GLRA3: variants seen among roughly 807,000 people sequenced by gnomAD.
The protein encoded by GLRA3 is glycine receptor subunit alpha-3.
A neutral mutation model predicts 60.4 loss-of-function variants in GLRA3; 44 were observed. The ratio of observed to expected loss-of-function variants is 0.73; its 90% CI spans 0.57 to 0.94. GLRA3 has a LOEUF of 0.94. Among genes scored for constraint, GLRA3 ranks in the 40% least tolerant of loss-of-function variants. GLRA3 has a pLI of 0.00. For synonymous variants in GLRA3, 223 were observed against 192.9 expected (o/e 1.16, Z -1.29); for missense variants, 508 against 564.6 (o/e 0.90, Z 1.02).
At chr4:174,725,087 T>A (rs1736270744) in intron 4 of GLRA3, among the ~76,000 whole-genome samples, 1 of 152,220 alleles carries the variant, frequency 6.6e-6, no homozygotes, top group Non-Finnish European at 1.5e-5. Context: ...TTTCTCTAGT[T>A]TTTTTTAGCT....
intron 3 of GLRA3, among the ~76,000 whole-genome samples, chr4:174,745,335 C>A (rs1458377995): frequency 6.6e-6 from 1 of 152,134 alleles, no homozygotes; most frequent in Non-Finnish European, 1.5e-5. Context: ...GTCTCCGTGA[C>A]ACTTTATAGG....
intron 5 of GLRA3, among the ~76,000 whole-genome samples, chr4:174,691,177 T>C (rs1432339837): frequency 6.6e-6 from 1 of 152,222 alleles, no homozygotes; most frequent in Non-Finnish European, 1.5e-5. Flanking sequence ...CTCAGCAGCA[T>C]CTGTCATTTT....
In GLRA3 at chr4:174,790,841, A is replaced by G. The variant is rs908378827; in HGVS notation, c.72-1898T>C. 6.1e-5 allele frequency among the ~76,000 whole-genome samples: 9 copies of G among 148,450 alleles called. No homozygotes were observed. The South Asian group carries it at 6.4e-4, about 11-fold the overall frequency. On this transcript the variant is annotated intron_variant, in intron 1 of 9. Transcript: ENST00000274093. ...TAAAAAATACAAAAAAAAAAAAAAA[A>G]AAAAAGAAAGAAATTAGCCGGGCGT...
At chr4:174,815,440 G>A (rs1346462954) in intron 1 of GLRA3, among the ~76,000 whole-genome samples, 1 of 152,170 alleles carries the variant, frequency 6.6e-6, no homozygotes, top group Non-Finnish European at 1.5e-5. Context: ...CTCTGCGTGG[G>A]GGCTCCCACT....
intron 3 of GLRA3, among the ~76,000 whole-genome samples, chr4:174,731,229 G>GT (rs908242379): frequency 6.6e-6 from 1 of 152,058 alleles, no homozygotes; most frequent in Admixed American, 6.5e-5. Context: ...TTTCAAAAAT[G>GT]TTTTTTTAAG....
intron 3 of GLRA3, among the ~76,000 whole-genome samples, chr4:174,762,194 A>G (rs573597450): frequency 6.6e-6 from 1 of 152,258 alleles, no homozygotes; most frequent in South Asian, 2.1e-4. Context: ...CAAATTTTAA[A>G]ATAAATAATG....
intron 1 of GLRA3, among the ~76,000 whole-genome samples, chr4:174,805,397 G>T (rs186312541): frequency 3.3e-5 from 5 of 151,992 alleles, no homozygotes; most frequent in Non-Finnish European, 7.4e-5. Flanking sequence ...CACTCTTTTG[G>T]ATCACTGACT....
chr4:174,811,277 C>T (rs556489602), intron 1 of GLRA3, among the ~76,000 whole-genome samples: 7 of 149,664 alleles, frequency 4.7e-5, no homozygotes, highest in African/African-American at 9.9e-5. Context: ...TTAATAAAAA[C>T]GTTCAGCTAC....
intron 5 of GLRA3, among the ~76,000 whole-genome samples, chr4:174,691,525 G>C (rs891110388): frequency 2.6e-5 from 4 of 152,244 alleles, no homozygotes; most frequent in African/African-American, 7.2e-5. Flanking sequence ...GAGTGCCTGC[G>C]ATTGCAGGCG....
At chr4:174,771,535 T>C (rs1738386136) in intron 2 of GLRA3, among the ~76,000 whole-genome samples, 1 of 151,998 alleles carries the variant, frequency 6.6e-6, no homozygotes, top group Non-Finnish European at 1.5e-5. Context: ...TTGACTCATA[T>C]CCTCTGGAAA....
At position 174,828,863 on chromosome 4, in the gene GLRA3, G is replaced by A; in HGVS notation, c.-52C>T. 1 of 1,154,866 alleles carries A rather than the reference G, an allele frequency of 8.7e-7. No individual in the cohort carries two copies. Among genetic ancestry groups the A allele is most frequent in the Non-Finnish European group, 1.3e-6 (1 of 760,730 alleles). The allele number at this position is 1,154,866 out of a possible 1,614,324, so 71.5% of individuals were successfully genotyped here. On this transcript the variant is annotated 5_prime_UTR_variant, in exon 1 of 10. Coordinates refer to ENST00000274093, the MANE Select transcript of GLRA3 (RefSeq NM_006529.4). ...AAAATAGTCTTATCCAAGGCATGGGGAACCAGAAAGACAGAATGAAAATGT... is the reference window on the plus strand; with the variant it reads ...AAAATAGTCTTATCCAAGGCATGGGAAACCAGAAAGACAGAATGAAAATGT...
intron 9 of GLRA3, among the ~76,000 whole-genome samples, chr4:174,655,079 TGA>T (rs1299245632): frequency 4.6e-5 from 7 of 152,156 alleles, no homozygotes; most frequent in Non-Finnish European, 8.8e-5. Flanking sequence ...CTTTCTACAG[TGA>T]GACTATTTTA....
At chr4:174,681,088 A>G (rs546719308) in intron 6 of GLRA3, among the ~76,000 whole-genome samples, 360 of 152,348 alleles carry the variant, frequency 2.4e-3, no homozygotes, top group Non-Finnish European at 2.9e-3. Context: ...TGGACAGTAC[A>G]GTGCTTCTAG....
chr4:174,654,234 C>T (rs528995388), intron 9 of GLRA3, among the ~76,000 whole-genome samples: 5 of 152,064 alleles, frequency 3.3e-5, no homozygotes, highest in Non-Finnish European at 7.4e-5. Flanking sequence ...ATAGTATATA[C>T]GTACGTTTGT....
intron 2 of GLRA3, among the ~76,000 whole-genome samples, chr4:174,768,730 G>A (rs1377985110): frequency 6.6e-6 from 1 of 152,066 alleles, no homozygotes; most frequent in Non-Finnish European, 1.5e-5. Context: ...GTGACCCTAC[G>A]TAAGATGCCA....
chr4:174,732,895 T>C (rs1736610839), intron 3 of GLRA3, among the ~76,000 whole-genome samples: 1 of 152,080 alleles, frequency 6.6e-6, no homozygotes, highest in Non-Finnish European at 1.5e-5. Context: ...TTTATGATAG[T>C]GATTAGCTAG....
At chr4:174,820,569 C>T (rs1442912477) in intron 1 of GLRA3, among the ~76,000 whole-genome samples, 1 of 152,132 alleles carries the variant, frequency 6.6e-6, no homozygotes, top group Non-Finnish European at 1.5e-5. Context: ...GAAGCATCCT[C>T]ACCTAGACTT....
intron 2 of GLRA3, among the ~76,000 whole-genome samples, chr4:174,775,242 G>T (rs111809627): frequency 0.012 from 1,869 of 152,152 alleles, 14 homozygotes; most frequent in Non-Finnish European, 0.018. Flanking sequence ...GAACAATAGT[G>T]TCTTGGTGGA....
At chr4:174,730,502 G>A (rs1440103465) in intron 3 of GLRA3, among the ~76,000 whole-genome samples, 3 of 152,136 alleles carry the variant, frequency 2.0e-5, no homozygotes, top group East Asian at 1.9e-4. Flanking sequence ...AAGCACTTTT[G>A]CTGTAACATT....
Sources: gnomAD v4.1 joint callset for allele counts (sites outside exome capture counted in the v4.1 genomes callset) on GRCh38, gnomAD v4.1.1 for gene constraint, MANE v1.5 for transcripts, NCBI Gene and HGNC (gene_info 2026-07-23, HGNC 2026-07-21) for gene names.